Variants in KCNQ5 observed in about 807,000 individuals in gnomAD.
KCNQ5 encodes the protein potassium voltage-gated channel subfamily Q member 5.
Under a neutral mutation model 98.2 loss-of-function variants are expected in KCNQ5, and 30 were observed. That is an observed-to-expected ratio of 0.31 (90% CI 0.23 to 0.41). The LOEUF (loss-of-function observed/expected upper bound fraction) is 0.41, where lower values mean the gene tolerates loss of function less well. Among genes scored for constraint, KCNQ5 ranks in the 10% least tolerant of loss-of-function variants. KCNQ5 has a pLI of 1.00. For missense variants in KCNQ5, 835 were observed against 1,182.5 expected, an observed-to-expected ratio of 0.71 and a Z score of 4.31; for synonymous variants, 458 against 449.4, an observed-to-expected ratio of 1.02 and a Z score of -0.24.
chr6:72,954,531 CTGTGTGTGTGTGTG>C (rs3068309), intron 1 of KCNQ5, among the ~76,000 whole-genome samples: 4 of 150,446 alleles, frequency 2.7e-5, no homozygotes, highest in African/African-American at 4.9e-5. Context: ...CAAGACTTTT[CTGTGTGTGTGTGTG>C]TGTGTGTGTG....
chr6:73,055,677 T>C, intron 3 of KCNQ5: 1 of 1,136,296 alleles, frequency 8.8e-7, no homozygotes, highest in Non-Finnish European at 1.3e-6. Context: ...GACAAGCATC[T>C]GAAGGGTCTC....
At chr6:72,767,163 G>C (rs907413533) in intron 1 of KCNQ5, among the ~76,000 whole-genome samples, 1 of 151,950 alleles carries the variant, frequency 6.6e-6, no homozygotes, top group Admixed American at 6.6e-5. Flanking sequence ...ATGAAGAGTT[G>C]TCTTTTGGTA....
At chr6:72,697,736 TA>T (rs1179867330) in intron 1 of KCNQ5, among the ~76,000 whole-genome samples, 1 of 152,230 alleles carries the variant, frequency 6.6e-6, no homozygotes, top group African/African-American at 2.4e-5. Flanking sequence ...TTTCACCTGT[TA>T]TATTGTTTTA....
intron 1 of KCNQ5, among the ~76,000 whole-genome samples, chr6:72,855,204 C>T (rs1452334969): frequency 6.6e-6 from 1 of 151,734 alleles, no homozygotes; most frequent in African/African-American, 2.4e-5. Flanking sequence ...TTTTTTAAAC[C>T]AGTTCTAGCA....
At chr6:72,694,752 A>G (rs1309640039) in intron 1 of KCNQ5, among the ~76,000 whole-genome samples, 1 of 152,194 alleles carries the variant, frequency 6.6e-6, no homozygotes, top group Non-Finnish European at 1.5e-5. Context: ...CAGGACATAC[A>G]TATGTGACTT....
intron 1 of KCNQ5, among the ~76,000 whole-genome samples, chr6:72,814,988 G>T (rs1021395242): frequency 3.9e-5 from 6 of 152,178 alleles, no homozygotes; most frequent in African/African-American, 1.4e-4. Context: ...AGAAAACAAT[G>T]AGCAAATATC....
intron 8 of KCNQ5, among the ~76,000 whole-genome samples, chr6:73,122,246 G>A (rs562549805): frequency 4.6e-5 from 7 of 152,268 alleles, no homozygotes; most frequent in East Asian, 1.9e-4. Context: ...TAGGAAAACT[G>A]ATAGAGAATT....
At chr6:72,970,994 C>T (rs1767864060) in intron 1 of KCNQ5, among the ~76,000 whole-genome samples, 2 of 152,294 alleles carry the variant, frequency 1.3e-5, no homozygotes, top group South Asian at 4.1e-4. Context: ...CCAAAATTGA[C>T]AAATGGGATC....
chr6:72,807,683 T>A lies in KCNQ5; in HGVS notation c.398+185096T>A, dbSNP rs144451140. ...ACTACTATCCCTGGCTAATTTTTTT[T>A]AAAAATATTTTGTAGAGACAGGGTC... On this transcript the variant is annotated intron_variant, in intron 1 of 13. Transcript: ENST00000370398. Among the ~76,000 whole-genome samples, 504 of 152,186 alleles carry A rather than the reference T, an allele frequency of 3.3e-3. 3 individuals are homozygous for A. The highest frequency in any genetic ancestry group is 8.6e-3 in the African/African-American group (358 of 41,528).
rs1023944824 is a variant in KCNQ5 at position 73,196,363 on chromosome 6, T to G, written c.*949T>G. 13 of 152,082 alleles carry G rather than the reference T, an allele frequency of 8.5e-5. No homozygotes were observed. Among genetic ancestry groups the G allele is most frequent in the African/African-American group, 2.9e-4 (12 of 41,362 alleles). The allele number at this position is 152,082 out of a possible 1,614,324, so 9.4% of individuals were successfully genotyped here. ...ATGGGACATTTGAGTGGGACTGAGA[T>G]AGGAAAGGCTTGAAAAGAACCCAGA... On this transcript the variant is annotated 3_prime_UTR_variant, in exon 14 of 14. Transcript: ENST00000370398.
intron 2 of KCNQ5, among the ~76,000 whole-genome samples, chr6:73,014,412 A>G (rs1404089188): frequency 1.3e-5 from 2 of 152,068 alleles, no homozygotes; most frequent in African/African-American, 4.8e-5. Context: ...TTTTAGCAAG[A>G]CAGAGCCTGT....
chr6:73,063,721 T>TAGATAGATAGATA (rs1554203585), intron 3 of KCNQ5, among the ~76,000 whole-genome samples: 8 of 96,034 alleles, frequency 8.3e-5, no homozygotes, highest in Non-Finnish European at 1.3e-4. Flanking sequence ...GATAGATAGA[T>TAGATAGATAGATA]GATAGATAGA....
chr6:72,831,498 A>G (rs1776266185), intron 1 of KCNQ5, among the ~76,000 whole-genome samples: 1 of 150,738 alleles, frequency 6.6e-6, no homozygotes. Flanking sequence ...CAAACATCGC[A>G]TGTTCTCACT....
intron 2 of KCNQ5, among the ~76,000 whole-genome samples, chr6:73,039,516 A>AT (rs937390050): frequency 7.3e-5 from 11 of 151,680 alleles, no homozygotes; most frequent in African/African-American, 2.2e-4. Flanking sequence ...TTGTTATGTC[A>AT]TTTTTTTATT....
At chr6:72,791,238 C>A (rs945741651) in intron 1 of KCNQ5, among the ~76,000 whole-genome samples, 1 of 152,132 alleles carries the variant, frequency 6.6e-6, no homozygotes, top group Non-Finnish European at 1.5e-5. Flanking sequence ...AGAAAAGAGG[C>A]CAAAGTGTGC....
In KCNQ5 at chr6:73,196,351, G is replaced by C. The variant is rs1359602299; in HGVS notation, c.*937G>C. 6.6e-6 allele frequency: 1 copy of C among 152,222 alleles called. No homozygotes were observed. The highest frequency in any genetic ancestry group is 1.5e-5 in the Non-Finnish European group (1 of 68,062). 9.4% of individuals were successfully genotyped at this position (152,222 alleles called of 1,614,324 possible). A position where few individuals can be genotyped will look rare whatever the true frequency, so the allele number is the denominator to read the frequency against. On this transcript the variant is annotated 3_prime_UTR_variant, in exon 14 of 14. Coordinates refer to ENST00000370398, the MANE Select transcript of KCNQ5 (RefSeq NM_019842.4). ...GGACTATGGGGGATGGGACATTTGA[G>C]TGGGACTGAGATAGGAAAGGCTTGA... is the stretch of plus-strand genomic sequence containing the variant.
At chr6:73,111,844 G>A (rs1775254242) in intron 7 of KCNQ5, among the ~76,000 whole-genome samples, 1 of 152,154 alleles carries the variant, frequency 6.6e-6, no homozygotes, top group South Asian at 2.1e-4. Context: ...AGAATGTCAA[G>A]GTTTAATACC....
chr6:73,158,258 T>TTTTTTTGTGG, intron 10 of KCNQ5: 1 of 24,532 alleles, frequency 4.1e-5, no homozygotes, highest in Non-Finnish European at 6.0e-5. Flanking sequence ...TGGAAGATTT[T>TTTTTTTGTGG]TTTTTTTTTT....
chr6:72,834,751 C>T (rs1421333710), intron 1 of KCNQ5, among the ~76,000 whole-genome samples: 2 of 152,128 alleles, frequency 1.3e-5, no homozygotes, highest in Non-Finnish European at 2.9e-5. Context: ...TCTTTCTTAA[C>T]ATGCATGTGT....
Sources: gnomAD v4.1 joint callset for allele counts (sites outside exome capture counted in the v4.1 genomes callset) on GRCh38, gnomAD v4.1.1 for gene constraint, MANE v1.5 for transcripts, NCBI Gene and HGNC (gene_info 2026-07-23, HGNC 2026-07-21) for gene names.